Variants in SERF2 observed in about 807,000 individuals in gnomAD.
The protein encoded by SERF2 is gastric cancer-related protein VRG107.
Under a neutral mutation model 10.7 loss-of-function variants are expected in SERF2, and 4 were observed. The ratio of observed to expected loss-of-function variants is 0.37; its 90% confidence interval spans 0.18 to 0.86. SERF2 has a LOEUF of 0.86. Ranked by LOEUF, SERF2 falls within the 40% of genes least tolerant of loss-of-function variation. SERF2 has a pLI of 0.43. For synonymous variants in SERF2, 26 were observed against 26.0 expected (o/e 1.00, Z 0.01); for missense variants, 47 against 79.1 (o/e 0.59, Z 1.54).
chr15:43,792,231 T>G, upstream of SERF2: 1 of 741,674 alleles, frequency 1.3e-6, no homozygotes, highest in Non-Finnish European at 2.4e-6. Context: ...ACGTGCTTTT[T>G]CTTGTCCAAT....
chr15:43,786,279 G>A (rs2087006321), intron 2 of SERF2, among the ~76,000 whole-genome samples: 1 of 151,838 alleles, frequency 6.6e-6, no homozygotes, highest in South Asian at 2.1e-4. Flanking sequence ...GCCAGGTGTG[G>A]TGGCGGGTGC....
upstream of SERF2, among the ~76,000 whole-genome samples, chr15:43,788,000 G>C (rs117293891): frequency 6.6e-6 from 1 of 150,446 alleles, no homozygotes; most frequent in African/African-American, 2.4e-5. Context: ...TCAGCCTCTC[G>C]AGTAGCTGGG....
At chr15:43,785,850 T>C (rs977062140) in intron 2 of SERF2, among the ~76,000 whole-genome samples, 3 of 151,274 alleles carry the variant, frequency 2.0e-5, no homozygotes, top group African/African-American at 7.3e-5. Flanking sequence ...GAATTACAGA[T>C]GCATGCCACC....
Position 43,794,318 on chromosome 15 carries a change from T to C in SERF2, c.*545T>C. 4.4e-6 allele frequency: 1 copy of C among 229,454 alleles called. No homozygotes were observed. Among genetic ancestry groups the C allele is most frequent in the African/African-American group, 2.3e-5 (1 of 44,256 alleles). 14.2% of individuals were successfully genotyped at this position (229,454 alleles called of 1,614,324 possible). ...CACCATCTCTAGGATGGAGTTGGCC[T>C]AAGAGTGAATGCTGCAAGATCTGTG... On this transcript the variant is annotated 3_prime_UTR_variant, in exon 3 of 3. Transcript: ENST00000249786.
rs2087140546 is a variant in SERF2, at chr15:43,793,975, G to T, written c.*202G>T. ...CCCTGGGCCACTCCCGGGGGTGAGG[G>T]GGTTACCCCTTCCCAGTGTTTTTTA... On this transcript the variant is annotated 3_prime_UTR_variant, in exon 3 of 3. Coordinates refer to ENST00000249786, the MANE Select transcript of SERF2 (RefSeq NM_001018108.4). The T allele has an allele frequency of 6.6e-7, 1 of 1,524,478 alleles. No homozygotes were observed. Among genetic ancestry groups the T allele is most frequent in the East Asian group, 2.5e-5 (1 of 40,588 alleles). The allele number at this position is 1,524,478 out of a possible 1,614,324, so 94.4% of individuals were successfully genotyped here.
At chr15:43,793,626 T>A (rs2087126499) in intron 2 of SERF2, 84 bp from the exon 3 acceptor site, 8 of 1,612,106 alleles carry the variant, frequency 5.0e-6, no homozygotes, top group Non-Finnish European at 6.8e-6. Flanking sequence ...CACTTCCATC[T>A]TATCCTTTGT....
chr15:43,795,823 T>C lies in SERF2; in HGVS notation c.*2050T>C, dbSNP rs2087202285. Reference sequence around the variant, plus strand: ...AACTTCCCCCGTGAAAAGATTGGTCTAGTATTAAAAAGTGGAGGCACACCT... The same window carrying C: ...AACTTCCCCCGTGAAAAGATTGGTCCAGTATTAAAAAGTGGAGGCACACCT... On this transcript the variant is annotated 3_prime_UTR_variant, in exon 3 of 3. Coordinates refer to ENST00000249786, the MANE Select transcript of SERF2 (RefSeq NM_001018108.4). 7.0e-7 allele frequency: 1 copy of C among 1,432,260 alleles called. No homozygotes were observed. The highest frequency in any genetic ancestry group is 2.0e-5 in the Admixed American group (1 of 49,560). 88.7% of individuals were successfully genotyped at this position (1,432,260 alleles called of 1,614,324 possible). A position where few individuals can be genotyped will look rare whatever the true frequency, so the allele number is the denominator to read the frequency against.
intron 1 of SERF2, among the ~76,000 whole-genome samples, chr15:43,781,544 A>G (rs927201581): frequency 6.6e-6 from 1 of 151,670 alleles, no homozygotes; most frequent in African/African-American, 2.4e-5. Flanking sequence ...AAACAAACAA[A>G]CAAACAAACA....
At chr15:43,788,308 C>G (rs958590074), upstream of SERF2, among the ~76,000 whole-genome samples, 2 of 152,034 alleles carry the variant, frequency 1.3e-5, no homozygotes, top group African/African-American at 4.8e-5. Flanking sequence ...CCATGCCCAA[C>G]CTGGAGACAG....
rs2087202433 is a variant in SERF2, at chr15:43,795,826, T to C, written c.*2053T>C. 1 of 1,376,480 alleles carries C rather than the reference T, an allele frequency of 7.3e-7. No homozygotes were observed. The highest frequency in any genetic ancestry group is 2.3e-5 in the East Asian group (1 of 42,554). The allele number at this position is 1,376,480 out of a possible 1,614,324, so 85.3% of individuals were successfully genotyped here. On this transcript the variant is annotated 3_prime_UTR_variant, in exon 3 of 3. Transcript: ENST00000249786. ...TTCCCCCGTGAAAAGATTGGTCTAG[T>C]ATTAAAAAGTGGAGGCACACCTGGG...
rs754908195 is a variant in SERF2 at position 43,795,921 on chromosome 15, G to C, written c.*2148G>C. 5 of 658,956 alleles carry C rather than the reference G, an allele frequency of 7.6e-6. No homozygotes were observed. The highest frequency in any genetic ancestry group is 5.5e-5 in the East Asian group (2 of 36,544). 40.8% of individuals were successfully genotyped at this position (658,956 alleles called of 1,614,324 possible). A position where few individuals can be genotyped will look rare whatever the true frequency, so the allele number is the denominator to read the frequency against. On this transcript the variant is annotated 3_prime_UTR_variant, in exon 3 of 3. Coordinates refer to ENST00000249786, the MANE Select transcript of SERF2 (RefSeq NM_001018108.4). ...TAAGATGTTTAATCTTTTGTGCCTC[G>C]ATTTCTCCATTTGTAAAATGGAGCA...
upstream of SERF2, chr15:43,792,093 C>A: frequency 5.8e-6 from 3 of 519,088 alleles, no homozygotes. Flanking sequence ...AACCTGCCCA[C>A]GTGACCCGGC....
chr15:43,793,950 C>G lies in SERF2; in HGVS notation c.*177C>G. 2 of 1,549,582 alleles carry G rather than the reference C, an allele frequency of 1.3e-6. No homozygotes were observed. Among genetic ancestry groups the G allele is most frequent in the Non-Finnish European group, 1.7e-6 (2 of 1,146,490 alleles). ...CCTTCCCCTCAGGTAGCCTCTCTCC[C>G]CCTGGGCCACTCCCGGGGGTGAGGG... On this transcript the variant is annotated 3_prime_UTR_variant, in exon 3 of 3. Transcript: ENST00000249786.
intron 1 of SERF2, among the ~76,000 whole-genome samples, chr15:43,784,899 C>G (rs374026967): frequency 6.8e-6 from 1 of 147,402 alleles, no homozygotes; most frequent in South Asian, 2.5e-4. Flanking sequence ...ACTATAGGCG[C>G]GCACCATCAC....
At chr15:43,793,671 C>T (rs1160589033) in intron 2 of SERF2, 39 bp from the exon 3 acceptor site, 3 of 1,613,860 alleles carry the variant, frequency 1.9e-6, no homozygotes, top group African/African-American at 2.7e-5. Flanking sequence ...CCTTTTTGCC[C>T]TCTGGTACCT....
chr15:43,787,909 C>T (rs2087021254), upstream of SERF2, among the ~76,000 whole-genome samples: 1 of 142,262 alleles, frequency 7.0e-6, no homozygotes. Flanking sequence ...GTATCTCACT[C>T]TATCACCCAG....
At chr15:43,779,546 C>T (rs1178907323) in intron 1 of SERF2, among the ~76,000 whole-genome samples, 1 of 151,976 alleles carries the variant, frequency 6.6e-6, no homozygotes, top group East Asian at 1.9e-4. Context: ...GGCTGGAGTG[C>T]AGTGGCACAA....
chr15:43,783,939 T>A (rs1217551180), intron 1 of SERF2, among the ~76,000 whole-genome samples: 2 of 132,906 alleles, frequency 1.5e-5, no homozygotes, highest in African/African-American at 5.5e-5. Flanking sequence ...TTTTTTTTTT[T>A]TTTTTTTTTT....
At chr15:43,789,372 AG>A (rs1298966852), upstream of SERF2, among the ~76,000 whole-genome samples, 2 of 152,248 alleles carry the variant, frequency 1.3e-5, no homozygotes, top group East Asian at 3.9e-4. Context: ...GGAGGGCCTT[AG>A]GGCCTTCACA....
Sources: allele counts gnomAD v4.1 joint callset (sites outside exome capture counted in the v4.1 genomes callset), GRCh38; gene constraint gnomAD v4.1.1; transcripts MANE v1.5; gene names NCBI Gene and HGNC (gene_info 2026-07-23, HGNC 2026-07-21).